Variants in TCF7L1 observed in about 807,000 individuals in gnomAD.
TCF7L1 encodes transcription factor 7 like 1, also known as transcription factor 7-like 1.
Under a neutral mutation model 63.7 loss-of-function variants are expected in TCF7L1, and 18 were observed. The observed-to-expected ratio is 0.28, with a 90% CI of 0.20 to 0.42. TCF7L1 has a LOEUF of 0.42. Among genes scored for constraint, TCF7L1 ranks in the 10% least tolerant of loss-of-function variants. The probability of loss-of-function intolerance (pLI) is 1.00; values close to 1 mark genes in which losing one functional copy is unlikely to be tolerated. For synonymous variants in TCF7L1, 355 were observed against 340.9 expected, an observed-to-expected ratio of 1.04 and a Z score of -0.46; for missense variants, 654 against 779.3, an observed-to-expected ratio of 0.84 and a Z score of 1.91.
chr2:85,176,986 CAAAAAAA>C (rs774094748), intron 3 of TCF7L1, among the ~76,000 whole-genome samples: 5,005 of 66,792 alleles, frequency 0.075, 310 homozygotes, highest in African/African-American at 0.22. Flanking sequence ...GACTCTGTCT[CAAAAAAA>C]AAAAAAAAAA....
chr2:85,187,246 A>G (rs972439905), intron 3 of TCF7L1: 2 of 152,206 alleles, frequency 1.3e-5, no homozygotes, highest in African/African-American at 4.8e-5. Context: ...CAAGATTCAA[A>G]GCTCTCATTT....
At chr2:85,193,866 A>C (rs1036885340) in intron 3 of TCF7L1, among the ~76,000 whole-genome samples, 1 of 152,120 alleles carries the variant, frequency 6.6e-6, no homozygotes, top group African/African-American at 2.4e-5. Context: ...GTGTAGTTAA[A>C]TGTTAACATT....
At chr2:85,269,072 A>G (rs961663496) in intron 3 of TCF7L1, among the ~76,000 whole-genome samples, 1 of 150,458 alleles carries the variant, frequency 6.6e-6, no homozygotes, top group Non-Finnish European at 1.5e-5. Context: ...CTCGGTGAGA[A>G]GCAATTTGGG....
At chr2:85,184,827 T>A (rs1678879262) in intron 3 of TCF7L1, among the ~76,000 whole-genome samples, 1 of 152,174 alleles carries the variant, frequency 6.6e-6, no homozygotes, top group Non-Finnish European at 1.5e-5. Flanking sequence ...CTGGGCTAGG[T>A]CTTTGCTGTT....
chr2:85,237,998 G>A (rs1257478692), intron 3 of TCF7L1, among the ~76,000 whole-genome samples: 1 of 152,144 alleles, frequency 6.6e-6, no homozygotes, highest in Non-Finnish European at 1.5e-5. Flanking sequence ...GGCATTCCAG[G>A]CGAAGGAGGC....
chr2:85,276,117 G>A (rs1296683256), intron 3 of TCF7L1, among the ~76,000 whole-genome samples: 2 of 152,112 alleles, frequency 1.3e-5, no homozygotes, highest in African/African-American at 4.8e-5. Context: ...CATCTTGTTT[G>A]GGAACAAGTT....
chr2:85,268,937 G>C (rs1681079333), intron 3 of TCF7L1, among the ~76,000 whole-genome samples: 1 of 152,118 alleles, frequency 6.6e-6, no homozygotes, highest in Admixed American at 6.5e-5. Flanking sequence ...TTGCAAGACA[G>C]TGGTAGTTGA....
rs188652183 is a variant in TCF7L1, at chr2:85,220,309, A to G, written c.442-63186A>G. On this transcript the variant is annotated intron_variant, in intron 3 of 11. Coordinates refer to ENST00000282111, the MANE Select transcript of TCF7L1 (RefSeq NM_031283.3). ...GATTAATATGGGAAAATGATAAGCTATTCAATCTGGTGTCCATTAGTGTCT... is the reference window on the plus strand; with the variant it reads ...GATTAATATGGGAAAATGATAAGCTGTTCAATCTGGTGTCCATTAGTGTCT... 1.4e-4 allele frequency among the ~76,000 whole-genome samples: 21 copies of G among 152,108 alleles called. No homozygotes were observed. In the East Asian group the frequency reaches 3.7e-3, roughly 27 times the overall value.
rs568145637 is a variant in TCF7L1, at chr2:85,285,558, A to T, written c.525+1980A>T. 2.6e-5 allele frequency among the ~76,000 whole-genome samples: 4 copies of T among 152,360 alleles called. No homozygotes were observed. The South Asian group carries it at 8.3e-4, about 32-fold the overall frequency. On this transcript the variant is annotated intron_variant, in intron 4 of 11. Coordinates refer to ENST00000282111, the MANE Select transcript of TCF7L1 (RefSeq NM_031283.3). ...TCGCCAAGGCACAAGCTGCTGTTGA[A>T]CAAGCACTCCACACCTCAGGCATAA...
rs1051396586 is a variant in TCF7L1, at chr2:85,240,004, T to C, written c.442-43491T>C. Among the ~76,000 whole-genome samples the C allele has an allele frequency of 4.6e-5, 7 of 152,140 alleles. 1 individual carries two copies. The East Asian group carries it at 1.4e-3, about 29-fold the overall frequency. ...TGAAAAGGAAGCAAGTAAATTAATT[T>C]TAATAGTATATCTTATGTAACCCAA... On this transcript the variant is annotated intron_variant, in intron 3 of 11. Transcript: ENST00000282111.
intron 3 of TCF7L1, among the ~76,000 whole-genome samples, chr2:85,150,305 C>T (rs1315980439): frequency 6.6e-6 from 1 of 151,568 alleles, no homozygotes; most frequent in East Asian, 1.9e-4. Context: ...GCGATCTCAG[C>T]TCACTGCAAC....
At chr2:85,135,930 A>G (rs1259275421) in intron 3 of TCF7L1, among the ~76,000 whole-genome samples, 1 of 42,086 alleles carries the variant, frequency 2.4e-5, no homozygotes, top group Non-Finnish European at 4.5e-5. Context: ...GTGCCAATCA[A>G]AGGGGGGGGG....
At chr2:85,214,761 G>T (rs139454044) in intron 3 of TCF7L1, among the ~76,000 whole-genome samples, 51 of 152,228 alleles carry the variant, frequency 3.4e-4, no homozygotes, top group African/African-American at 1.2e-3. Context: ...GGGGCTCCCC[G>T]AGTTTTAAAA....
At chr2:85,144,713 CTCTCTCTG>C (rs749502805) in intron 3 of TCF7L1, among the ~76,000 whole-genome samples, 13 of 140,680 alleles carry the variant, frequency 9.2e-5, no homozygotes, top group East Asian at 4.4e-4. Context: ...CTTTCTCTCT[CTCTCTCTG>C]TGTGTGTGTG....
intron 4 of TCF7L1, among the ~76,000 whole-genome samples, chr2:85,298,433 G>A (rs1681885391): frequency 2.1e-5 from 3 of 141,442 alleles, no homozygotes; most frequent in African/African-American, 7.9e-5. Flanking sequence ...GGAGGTTGCA[G>A]TGAGTCGAGA....
chr2:85,178,149 T>C (rs1377308535), intron 3 of TCF7L1, among the ~76,000 whole-genome samples: 1 of 152,214 alleles, frequency 6.6e-6, no homozygotes, highest in Non-Finnish European at 1.5e-5. Flanking sequence ...GACGTCTCCA[T>C]GGACAGTGAG....
chr2:85,158,383 C>T (rs1009985454), intron 3 of TCF7L1, among the ~76,000 whole-genome samples: 3 of 152,164 alleles, frequency 2.0e-5, no homozygotes, highest in South Asian at 2.1e-4. Flanking sequence ...CACATGACTC[C>T]GTGTGAAGCT....
At chr2:85,286,706 A>G (rs1681568202) in intron 4 of TCF7L1, among the ~76,000 whole-genome samples, 2 of 151,990 alleles carry the variant, frequency 1.3e-5, no homozygotes, top group Non-Finnish European at 2.9e-5. Context: ...CGTTGGTCAG[A>G]CTGGTCTCAA....
intron 3 of TCF7L1, among the ~76,000 whole-genome samples, chr2:85,257,516 A>G (rs1476316933): frequency 6.6e-6 from 1 of 152,164 alleles, no homozygotes; most frequent in Non-Finnish European, 1.5e-5. Flanking sequence ...CACTTTGCTC[A>G]TGGGATTTGA....
Sources: allele counts gnomAD v4.1 joint callset (sites outside exome capture counted in the v4.1 genomes callset), GRCh38; gene constraint gnomAD v4.1.1; transcripts MANE v1.5; gene names NCBI Gene and HGNC (gene_info 2026-07-23, HGNC 2026-07-21).